Variants in RAD51B observed in about 807,000 individuals in gnomAD.
RAD51B encodes DNA repair protein RAD51 homolog 2.
Under a neutral mutation model 42.2 loss-of-function variants are expected in RAD51B, and 38 were observed. That is an observed-to-expected ratio of 0.90 (90% CI 0.70 to 1.18). RAD51B has a LOEUF of 1.18. Ranked by LOEUF, RAD51B falls within the 50% of genes most tolerant of loss-of-function variation. The probability of loss-of-function intolerance (pLI) is 0.00; values close to 1 mark genes in which losing one functional copy is unlikely to be tolerated. For synonymous variants in RAD51B, 154 were observed against 145.2 expected, an observed-to-expected ratio of 1.06 and a Z score of -0.43; for missense variants, 373 against 400.7, an observed-to-expected ratio of 0.93 and a Z score of 0.59.
chr14:68,469,447 C>G (rs529314838), intron 10 of RAD51B, among the ~76,000 whole-genome samples: 5 of 152,318 alleles, frequency 3.3e-5, no homozygotes, highest in Admixed American at 2.6e-4. Flanking sequence ...CTCTCAGGTC[C>G]ACGAAATTTG....
intron 10 of RAD51B, among the ~76,000 whole-genome samples, chr14:68,610,484 C>A (rs1891633784): frequency 6.6e-6 from 1 of 152,224 alleles, no homozygotes; most frequent in Admixed American, 6.5e-5. Flanking sequence ...GCATGTGGCT[C>A]CCCTGCCAGG....
intron 7 of RAD51B, among the ~76,000 whole-genome samples, chr14:68,216,012 A>G (rs935926682): frequency 3.3e-5 from 5 of 152,200 alleles, no homozygotes; most frequent in African/African-American, 1.2e-4. Flanking sequence ...GGTTTATGCC[A>G]GGTACACCTA....
At chr14:68,526,802 G>C (rs887244241) in intron 10 of RAD51B, among the ~76,000 whole-genome samples, 1 of 152,172 alleles carries the variant, frequency 6.6e-6, no homozygotes, top group African/African-American at 2.4e-5. Flanking sequence ...TCTGGATTCA[G>C]TTCTTAGGTC....
exon 11 of RAD51B, chr14:68,611,232 T>A: frequency 1.4e-6 from 1 of 703,090 alleles, no homozygotes; most frequent in Non-Finnish European, 2.6e-6. Flanking sequence ...AGACTTTGGA[T>A]GAGCATCCAG....
At chr14:67,940,056 T>TA (rs1566969343) in intron 7 of RAD51B, among the ~76,000 whole-genome samples, 16 of 8,642 alleles carry the variant, frequency 1.9e-3, no homozygotes, top group East Asian at 5.5e-3. Context: ...ATATATATAT[T>TA]TTTTTTTTTT....
Position 68,365,273 on chromosome 14 carries a change from G to C in RAD51B, c.854-46151G>C, listed in dbSNP as rs1259169819. On this transcript the variant is annotated intron_variant, in intron 8 of 10. Transcript: ENST00000471583. ...AGGAGGCAGGTTCTGTGTCTGATTC[G>C]GCTGTCCGGTGAGGAAAGATGTGAA... Among the ~76,000 whole-genome samples, 12 of 152,302 alleles carry C rather than the reference G, an allele frequency of 7.9e-5. No individual in the cohort carries two copies. The East Asian group carries it at 2.1e-3, about 27-fold the overall frequency.
intron 7 of RAD51B, among the ~76,000 whole-genome samples, chr14:68,147,407 A>G (rs2078275429): frequency 6.6e-6 from 1 of 152,164 alleles, no homozygotes; most frequent in Admixed American, 6.5e-5. Flanking sequence ...GAACTTCTAT[A>G]TTCTGCTTGA....
At chr14:68,354,057 G>A (rs928005842) in intron 8 of RAD51B, among the ~76,000 whole-genome samples, 3 of 152,114 alleles carry the variant, frequency 2.0e-5, no homozygotes, top group African/African-American at 4.8e-5. Flanking sequence ...CGATAGCAAT[G>A]TTTTCTCGAC....
chr14:68,085,018 C>G, intron 7 of RAD51B, among the ~76,000 whole-genome samples: 1 of 152,174 alleles, frequency 6.6e-6, no homozygotes, highest in Non-Finnish European at 1.5e-5. Flanking sequence ...TGGTGATTAA[C>G]TGGAGAAAGG....
intron 7 of RAD51B, among the ~76,000 whole-genome samples, chr14:68,154,360 A>T (rs1372645688): frequency 6.6e-6 from 1 of 152,194 alleles, no homozygotes; most frequent in Non-Finnish European, 1.5e-5. Context: ...TGCTTCATGC[A>T]TTATGAAGTT....
At chr14:67,842,593 C>T (rs1352622983) in intron 4 of RAD51B, among the ~76,000 whole-genome samples, 1 of 152,224 alleles carries the variant, frequency 6.6e-6, no homozygotes, top group Non-Finnish European at 1.5e-5. Context: ...TGGTCTTGAA[C>T]TCCTGACCTC....
At chr14:67,867,000 T>C (rs933068296) in intron 5 of RAD51B, among the ~76,000 whole-genome samples, 1 of 152,216 alleles carries the variant, frequency 6.6e-6, no homozygotes. Context: ...TTTTATTCCA[T>C]TCTCCACAAG....
chr14:68,072,515 T>C (rs893243209), intron 7 of RAD51B, among the ~76,000 whole-genome samples: 4 of 152,094 alleles, frequency 2.6e-5, no homozygotes, highest in African/African-American at 9.7e-5. Context: ...TGGCAGCTGA[T>C]TAAATGGTGC....
intron 7 of RAD51B, among the ~76,000 whole-genome samples, chr14:68,226,770 T>G (rs2080047916): frequency 6.6e-6 from 1 of 152,218 alleles, no homozygotes; most frequent in Non-Finnish European, 1.5e-5. Flanking sequence ...AGAGACTAAG[T>G]GACTTGCCAG....
chr14:68,237,133 A>T (rs957812866), intron 7 of RAD51B, among the ~76,000 whole-genome samples: 6 of 152,038 alleles, frequency 3.9e-5, no homozygotes, highest in African/African-American at 9.7e-5. Context: ...TTGGAAAAAA[A>T]TTTTTTTGCT....
At chr14:68,572,790 C>T (rs533677337) in intron 10 of RAD51B, among the ~76,000 whole-genome samples, 2 of 152,310 alleles carry the variant, frequency 1.3e-5, no homozygotes, top group East Asian at 3.9e-4. Flanking sequence ...CTCCAAATTG[C>T]CAGTGTCATA....
intron 7 of RAD51B, among the ~76,000 whole-genome samples, chr14:68,074,899 AT>A (rs2076807934): frequency 6.6e-6 from 1 of 152,156 alleles, no homozygotes; most frequent in African/African-American, 2.4e-5. Flanking sequence ...GCTCCTCTGC[AT>A]TTCCTTGCAT....
At chr14:68,423,314 C>T (rs1171987264) in intron 9 of RAD51B, among the ~76,000 whole-genome samples, 1 of 152,104 alleles carries the variant, frequency 6.6e-6, no homozygotes, top group Non-Finnish European at 1.5e-5. Context: ...TGAAAACAAT[C>T]CCCCCAAAGC....
intron 7 of RAD51B, among the ~76,000 whole-genome samples, chr14:67,965,801 A>G (rs936391943): frequency 1.3e-5 from 2 of 152,046 alleles, no homozygotes; most frequent in African/African-American, 4.8e-5. Context: ...TCTTGCTTGT[A>G]TAGAGGAACT....
Sources: allele counts gnomAD v4.1 joint callset (sites outside exome capture counted in the v4.1 genomes callset), GRCh38; gene constraint gnomAD v4.1.1; transcripts MANE v1.5; gene names NCBI Gene and HGNC (gene_info 2026-07-23, HGNC 2026-07-21).